GRID1: variants seen among roughly 807,000 people sequenced by gnomAD.
GRID1 encodes the protein glutamate receptor ionotropic, delta-1.
GRID1 carries 28 observed loss-of-function variants against 98.0 expected under a neutral mutation model. That is an observed-to-expected ratio of 0.29 (90% confidence interval 0.21 to 0.39). The LOEUF is 0.39. Among genes scored for constraint, GRID1 ranks in the 10% least tolerant of loss-of-function variants. The pLI, the probability that GRID1 is intolerant of heterozygous loss-of-function variation, is 1.00. For synonymous variants in GRID1, 553 were observed against 538.5 expected (o/e 1.03, Z -0.37); for missense variants, 1,111 against 1,340.5 (o/e 0.83, Z 2.67).
chr10:85,648,928 G>A (rs537152374), intron 12 of GRID1, among the ~76,000 whole-genome samples: 1 of 152,290 alleles, frequency 6.6e-6, no homozygotes, highest in East Asian at 1.9e-4. Context: ...TTGCCTGTCT[G>A]TCCCCCACAA....
intron 12 of GRID1, among the ~76,000 whole-genome samples, chr10:85,702,669 C>A (rs1194503111): frequency 6.6e-6 from 1 of 150,876 alleles, no homozygotes; most frequent in East Asian, 1.9e-4. Context: ...AAGGAGAAAG[C>A]ACAAGAGAGG....
At chr10:86,204,939 G>A (rs1022400403) in intron 3 of GRID1, among the ~76,000 whole-genome samples, 6 of 151,752 alleles carry the variant, frequency 4.0e-5, no homozygotes, top group African/African-American at 7.3e-5. Flanking sequence ...CAGGCAGCTC[G>A]GGGCTGTTAC....
At chr10:86,099,160 A>G (rs1844260106) in intron 4 of GRID1, among the ~76,000 whole-genome samples, 1 of 152,226 alleles carries the variant, frequency 6.6e-6, no homozygotes, top group Non-Finnish European at 1.5e-5. Context: ...TCAGGGGACA[A>G]GGTAGCACAG....
At chr10:85,689,107 C>T (rs147722378) in intron 12 of GRID1, among the ~76,000 whole-genome samples, 1 of 152,132 alleles carries the variant, frequency 6.6e-6, no homozygotes, top group Non-Finnish European at 1.5e-5. Flanking sequence ...ATGTCTCCGT[C>T]GAGCACGCAC....
chr10:86,132,426 A>C (rs978066606), intron 4 of GRID1, among the ~76,000 whole-genome samples: 1 of 152,240 alleles, frequency 6.6e-6, no homozygotes, highest in Non-Finnish European at 1.5e-5. Context: ...CTAAGAGAAA[A>C]TGTAAATTTC....
At chr10:85,661,304 C>T (rs1025607723) in intron 12 of GRID1, among the ~76,000 whole-genome samples, 4 of 152,110 alleles carry the variant, frequency 2.6e-5, no homozygotes, top group Non-Finnish European at 1.5e-5. Flanking sequence ...CAAGATGATC[C>T]GTCAGGCCTT....
chr10:85,821,350 C>T (rs1464080839), intron 8 of GRID1, among the ~76,000 whole-genome samples: 1 of 151,064 alleles, frequency 6.6e-6, no homozygotes, highest in Non-Finnish European at 1.5e-5. Flanking sequence ...AACCCCATCT[C>T]TACTAAAAAT....
chr10:85,746,355 A>C (rs1841997215), intron 8 of GRID1, among the ~76,000 whole-genome samples: 2 of 152,174 alleles, frequency 1.3e-5, no homozygotes, highest in Non-Finnish European at 2.9e-5. Flanking sequence ...GCAGGATAGC[A>C]GGTTGCATGT....
chr10:85,782,507 T>C (rs1842390353), intron 8 of GRID1, among the ~76,000 whole-genome samples: 1 of 152,188 alleles, frequency 6.6e-6, no homozygotes, highest in African/African-American at 2.4e-5. Flanking sequence ...TTAGTGAAGG[T>C]AGTCTAATAC....
chr10:85,770,695 C>T (rs1382352900), intron 8 of GRID1, among the ~76,000 whole-genome samples: 6 of 151,922 alleles, frequency 3.9e-5, no homozygotes, highest in Non-Finnish European at 5.9e-5. Flanking sequence ...CCTCGGGAGC[C>T]GATGCGATCA....
At chr10:86,081,102 T>G (rs1207500916) in intron 4 of GRID1, among the ~76,000 whole-genome samples, 1 of 152,130 alleles carries the variant, frequency 6.6e-6, no homozygotes. Context: ...AGAGCTGCAG[T>G]GGAAACAGCA....
At chr10:85,760,016 C>G (rs1451619573) in intron 8 of GRID1, among the ~76,000 whole-genome samples, 1 of 152,164 alleles carries the variant, frequency 6.6e-6, no homozygotes, top group African/African-American at 2.4e-5. Context: ...ATTCTCAAGT[C>G]TCCAGGCCTA....
chr10:86,162,299 G>C (rs1376570789), intron 3 of GRID1, among the ~76,000 whole-genome samples: 1 of 151,950 alleles, frequency 6.6e-6, no homozygotes, highest in African/African-American at 2.4e-5. Flanking sequence ...CAGGAAAAGG[G>C]CAAAATCATG....
chr10:85,921,093 C>G (rs1228771841), intron 4 of GRID1, among the ~76,000 whole-genome samples: 1 of 152,184 alleles, frequency 6.6e-6, no homozygotes, highest in Non-Finnish European at 1.5e-5. Flanking sequence ...AAGCATCCAG[C>G]TGACTTCTCT....
chr10:85,966,486 G>A (rs1380278813), intron 4 of GRID1, among the ~76,000 whole-genome samples: 1 of 151,980 alleles, frequency 6.6e-6, no homozygotes, highest in Non-Finnish European at 1.5e-5. Context: ...GAACCCCCAG[G>A]AAAGGGTAAA....
At chr10:85,861,993 A>G (rs2131786365) in intron 6 of GRID1, among the ~76,000 whole-genome samples, 1 of 150,830 alleles carries the variant, frequency 6.6e-6, no homozygotes, top group East Asian at 1.9e-4. Context: ...CCTTTCTCAG[A>G]TACACGTCTT....
At chr10:85,958,014 T>C (rs1842216958) in intron 4 of GRID1, among the ~76,000 whole-genome samples, 2 of 152,192 alleles carry the variant, frequency 1.3e-5, no homozygotes, top group African/African-American at 4.8e-5. Flanking sequence ...TCGGGAGATG[T>C]GCCAGCTACT....
At chr10:86,211,269 G>A (rs1043436119) in intron 2 of GRID1, among the ~76,000 whole-genome samples, 1 of 152,152 alleles carries the variant, frequency 6.6e-6, no homozygotes, top group African/African-American at 2.4e-5. Flanking sequence ...ATAATTCTTT[G>A]CCTCCATATT....
chr10:85,879,424 T>C (rs1840964478), intron 5 of GRID1, among the ~76,000 whole-genome samples: 1 of 152,206 alleles, frequency 6.6e-6, no homozygotes, highest in Admixed American at 6.5e-5. Flanking sequence ...AAACTGTCTC[T>C]CAGACCACAG....
Sources: gnomAD v4.1 joint callset for allele counts (sites outside exome capture counted in the v4.1 genomes callset) on GRCh38, gnomAD v4.1.1 for gene constraint, MANE v1.5 for transcripts, NCBI Gene and HGNC (gene_info 2026-07-23, HGNC 2026-07-21) for gene names.